PRKG1: variants seen among roughly 807,000 people sequenced by gnomAD.
PRKG1 encodes the protein protein kinase cGMP-dependent 1, also known as cGMP-dependent protein kinase 1.
A neutral mutation model predicts 88.1 loss-of-function variants in PRKG1; 35 were observed. The observed-to-expected ratio is 0.40, with a 90% CI of 0.30 to 0.53. The LOEUF (loss-of-function observed/expected upper bound fraction) is 0.53, where lower values mean the gene tolerates loss of function less well. PRKG1 is among the 20% of genes least tolerant of loss of function. The probability of loss-of-function intolerance (pLI) is 0.59; values close to 1 mark genes in which losing one functional copy is unlikely to be tolerated. For synonymous variants in PRKG1, 303 were observed against 292.5 expected, an observed-to-expected ratio of 1.04 and a Z score of -0.37; for missense variants, 540 against 839.8, an observed-to-expected ratio of 0.64 and a Z score of 4.41.
At chr10:51,554,088 C>CATATGTGATAT (rs1837232233) in intron 3 of PRKG1, among the ~76,000 whole-genome samples, 1 of 68,714 alleles carries the variant, frequency 1.5e-5, no homozygotes, top group African/African-American at 9.5e-5. Flanking sequence ...GTATGTGATA[C>CATATGTGATAT]GTGTATATAT....
intron 5 of PRKG1, among the ~76,000 whole-genome samples, chr10:51,989,969 T>A (rs998650784): frequency 3.9e-5 from 6 of 152,168 alleles, no homozygotes; most frequent in African/African-American, 1.4e-4. Context: ...TAATCCCTTT[T>A]AAGTTGTTTT....
At chr10:52,161,835 G>T (rs1366694153) in intron 8 of PRKG1, 54 bp from the exon 9 acceptor site, 4 of 1,464,700 alleles carry the variant, frequency 2.7e-6, no homozygotes, top group Non-Finnish European at 3.8e-6. Flanking sequence ...TGACTAGGTT[G>T]CCATTGCTAC....
chr10:51,990,021 G>T (rs1248962230), intron 5 of PRKG1, among the ~76,000 whole-genome samples: 5 of 151,944 alleles, frequency 3.3e-5, no homozygotes, highest in East Asian at 1.9e-4. Context: ...TGAGAATAGG[G>T]TCTAATTTTA....
At chr10:51,871,111 G>A (rs189008835) in intron 4 of PRKG1, among the ~76,000 whole-genome samples, 3 of 152,232 alleles carry the variant, frequency 2.0e-5, no homozygotes, top group East Asian at 1.9e-4. Flanking sequence ...ACACCAATAC[G>A]TTACAGCTTC....
chr10:51,454,660 T>C (rs1212131981), intron 2 of PRKG1, among the ~76,000 whole-genome samples: 2 of 152,164 alleles, frequency 1.3e-5, no homozygotes, highest in Non-Finnish European at 2.9e-5. Context: ...TCTTACATGA[T>C]GGCAGGCAAG....
chr10:52,266,198 ATTAT>A (rs1841565828), intron 10 of PRKG1, among the ~76,000 whole-genome samples: 1 of 151,292 alleles, frequency 6.6e-6, no homozygotes, highest in Non-Finnish European at 1.5e-5. Context: ...TATTATTATT[ATTAT>A]TATTATTATT....
chr10:51,600,709 G>C (rs1435389075), intron 3 of PRKG1, among the ~76,000 whole-genome samples: 2 of 151,938 alleles, frequency 1.3e-5, no homozygotes, highest in African/African-American at 4.8e-5. Context: ...TACACTTACA[G>C]CACACCTCAC....
chr10:51,047,072 A>G (rs1165892772), intron 1 of PRKG1, among the ~76,000 whole-genome samples: 1 of 152,222 alleles, frequency 6.6e-6, no homozygotes, highest in Admixed American at 6.5e-5. Context: ...AAAACAGTGA[A>G]AGGGAAATAC....
chr10:52,043,850 G>A (rs1904003), intron 5 of PRKG1, among the ~76,000 whole-genome samples: 135,325 of 146,784 alleles, frequency 0.92, 62,789 homozygotes, highest in Middle Eastern at 0.97. Flanking sequence ...AAAAATTTTG[G>A]AAAAAAAAAC....
chr10:52,293,761 T>TA lies in PRKG1; in HGVS notation c.1963-33dup, dbSNP rs535273103. On this transcript the variant is annotated intron_variant, in intron 17 of 17. Coordinates refer to ENST00000373980, the MANE Select transcript of PRKG1 (RefSeq NM_006258.4). ...TAAAAATTCCAGCTTGGAATTCCAC[T>TA]AAAAAAAATCCACTAAAAAAAACCT... 112 of 1,523,870 alleles carry TA rather than the reference T, an allele frequency of 7.3e-5. No homozygotes were observed. In the East Asian group the frequency reaches 7.4e-4, roughly 10 times the overall value. The allele number at this position is 1,523,870 out of a possible 1,614,324, so 94.4% of individuals were successfully genotyped here. A position where few individuals can be genotyped will look rare whatever the true frequency, so the allele number is the denominator to read the frequency against.
At chr10:51,262,060 G>A (rs1178994938) in intron 2 of PRKG1, among the ~76,000 whole-genome samples, 2 of 151,312 alleles carry the variant, frequency 1.3e-5, no homozygotes, top group Non-Finnish European at 2.9e-5. Flanking sequence ...CTAAATTTTT[G>A]TGTTTTTAGT....
chr10:52,011,369 A>G (rs1482652788), intron 5 of PRKG1, among the ~76,000 whole-genome samples: 1 of 152,198 alleles, frequency 6.6e-6, no homozygotes, highest in Non-Finnish European at 1.5e-5. Flanking sequence ...TCCCAAAAAT[A>G]TGTGTCAGTG....
chr10:51,341,578 C>T (rs211087), intron 2 of PRKG1, among the ~76,000 whole-genome samples: 2,711 of 152,230 alleles, frequency 0.018, 76 homozygotes, highest in African/African-American at 0.062. Flanking sequence ...AAGTGTGTCT[C>T]CAACTCGTTC....
chr10:51,081,951 G>A (rs1844122683), intron 1 of PRKG1, among the ~76,000 whole-genome samples: 1 of 152,138 alleles, frequency 6.6e-6, no homozygotes, highest in Non-Finnish European at 1.5e-5. Context: ...TAGAGACAGG[G>A]TCTCAGTTGC....
At chr10:51,070,611 T>G (rs1471090812), upstream of PRKG1, among the ~76,000 whole-genome samples, 1 of 152,216 alleles carries the variant, frequency 6.6e-6, no homozygotes, top group Non-Finnish European at 1.5e-5. Flanking sequence ...GGGCTAATTA[T>G]GTTTTTAGTG....
At chr10:52,138,147 A>G (rs1187179185) in intron 8 of PRKG1, among the ~76,000 whole-genome samples, 1 of 151,988 alleles carries the variant, frequency 6.6e-6, no homozygotes. Context: ...CACTCGTCTG[A>G]GATCCCTGCA....
chr10:51,209,466 T>C (rs1450388618), intron 2 of PRKG1, among the ~76,000 whole-genome samples: 2 of 152,192 alleles, frequency 1.3e-5, no homozygotes, highest in Non-Finnish European at 1.5e-5. Flanking sequence ...GTAAGAACTG[T>C]TCACTCATTA....
At chr10:51,054,478 G>A (rs928194949) in intron 1 of PRKG1, among the ~76,000 whole-genome samples, 3 of 152,140 alleles carry the variant, frequency 2.0e-5, no homozygotes, top group African/African-American at 4.8e-5. Context: ...TGAAGCAGAT[G>A]CCCTATTCCA....
intron 3 of PRKG1, among the ~76,000 whole-genome samples, chr10:51,690,641 T>A (rs112567549): frequency 4.5e-4 from 68 of 151,880 alleles, no homozygotes; most frequent in African/African-American, 1.5e-3. Flanking sequence ...AATTAAAGAA[T>A]TTTGGGCCGG....
Sources: allele counts gnomAD v4.1 joint callset (sites outside exome capture counted in the v4.1 genomes callset), GRCh38; gene constraint gnomAD v4.1.1; transcripts MANE v1.5; gene names NCBI Gene and HGNC (gene_info 2026-07-23, HGNC 2026-07-21).